Variants in MBD5 observed in about 807,000 individuals in gnomAD.
MBD5 encodes methyl-CpG-binding domain protein 5.
Under a neutral mutation model 117.3 loss-of-function variants are expected in MBD5, and 13 were observed. That is an observed-to-expected ratio of 0.11 (90% CI 0.07 to 0.18). The LOEUF is 0.18. Among genes scored for constraint, MBD5 ranks in the 10% least tolerant of loss-of-function variants. The probability of loss-of-function intolerance (pLI) is 1.00; values close to 1 mark genes in which losing one functional copy is unlikely to be tolerated. For synonymous variants in MBD5, 727 were observed against 766.4 expected, an observed-to-expected ratio of 0.95 and a Z score of 0.85; for missense variants, 1,879 against 2,093.8, an observed-to-expected ratio of 0.90 and a Z score of 2.00.
intron 4 of MBD5, among the ~76,000 whole-genome samples, chr2:148,422,144 C>T (rs1559064317): frequency 6.6e-6 from 1 of 152,182 alleles, no homozygotes. Context: ...CTGGGAGACA[C>T]CTTTCAGTAG....
At chr2:148,121,256 CT>C (rs925554218) in intron 1 of MBD5, among the ~76,000 whole-genome samples, 18 of 152,138 alleles carry the variant, frequency 1.2e-4, no homozygotes, top group Admixed American at 7.9e-4. Flanking sequence ...GCAGTTGACA[CT>C]TGTTAGTGCT....
At chr2:148,378,505 A>C (rs1426735362) in intron 4 of MBD5, among the ~76,000 whole-genome samples, 1 of 152,104 alleles carries the variant, frequency 6.6e-6, no homozygotes, top group Admixed American at 6.5e-5. Flanking sequence ...AAGTAGAATA[A>C]ATAATTCCTT....
rs769245518 is a variant in MBD5, at chr2:148,272,035, C to A, written c.-680+38640C>A. Among the ~76,000 whole-genome samples the A allele has an allele frequency of 8.5e-5, 13 of 152,122 alleles. 1 individual carries two copies. Among genetic ancestry groups the A allele is most frequent in the Admixed American group, 5.2e-4 (8 of 15,258 alleles). ...GATTCCACATGTAAATAAGATCATG[C>A]AGTATTTGTCTTTCTGTGCCTAGCT... On this transcript the variant is annotated intron_variant, in intron 3 of 13. Coordinates refer to ENST00000642680, the MANE Select transcript of MBD5 (RefSeq NM_001378120.1).
intron 4 of MBD5, among the ~76,000 whole-genome samples, chr2:148,375,857 T>A (rs1341529012): frequency 6.6e-6 from 1 of 152,106 alleles, no homozygotes; most frequent in African/African-American, 2.4e-5. Flanking sequence ...TCTCAGTAAA[T>A]CACTCCCACC....
In MBD5 at chr2:148,489,396, A is replaced by C; in HGVS notation, c.3764A>C (p.Gln1255Pro). The C allele has an allele frequency of 6.2e-7, 1 of 1,614,122 alleles. No homozygotes were observed. The highest frequency in any genetic ancestry group is 1.3e-5 in the African/African-American group (1 of 75,024). The change falls in exon 11 of 14, where the codon CAG becomes CCG. Residue 1255 changes from glutamine (Q) to proline (P), a missense_variant. Gln to Pro is a moderately conservative substitution (Grantham distance 76, BLOSUM62 -1). Around this residue, in one of 4 missense-constraint regions of MBD5, gnomAD observed 1,666 missense variants for 1,792.2 expected, o/e 0.93. Transcript: ENST00000642680. ...GTCTATTTCTTCAAGGTGAGAATGC[A>C]GGAAGATGCAGCTCTCCTAAACAAA... ...CLFQNFQVRM[Q>P]EDAALLNKRI...
At chr2:148,146,381 C>G (rs148298556) in intron 1 of MBD5, among the ~76,000 whole-genome samples, 1 of 151,988 alleles carries the variant, frequency 6.6e-6, no homozygotes, top group Non-Finnish European at 1.5e-5. Context: ...TATAGGTGTG[C>G]ACCACACACC....
chr2:148,176,325 GA>G (rs1216553592), intron 1 of MBD5, among the ~76,000 whole-genome samples: 14 of 107,968 alleles, frequency 1.3e-4, no homozygotes, highest in Admixed American at 4.9e-4. Context: ...TTTTTTTTCA[GA>G]AAAAAATCTT....
chr2:148,180,043 T>G (rs969775668), intron 2 of MBD5, among the ~76,000 whole-genome samples: 1 of 151,688 alleles, frequency 6.6e-6, no homozygotes, highest in Non-Finnish European at 1.5e-5. Flanking sequence ...TTTTTTCTAT[T>G]TTTCTTTATT....
chr2:148,312,931 T>C (rs1347641048), intron 3 of MBD5, among the ~76,000 whole-genome samples: 1 of 152,196 alleles, frequency 6.6e-6, no homozygotes, highest in Non-Finnish European at 1.5e-5. Flanking sequence ...CTGCTGGAGT[T>C]TGCTGGAGGT....
In MBD5 at chr2:148,468,760, C is replaced by A; in HGVS notation, c.817C>A (p.Leu273Ile). Residue 273 changes from leucine (L) to isoleucine (I), a missense_variant, in exon 8 of 14, where the codon CTT (leucine) becomes ATT (isoleucine). Around this residue, in one of 4 missense-constraint regions of MBD5, gnomAD observed 1,666 missense variants for 1,792.2 expected, o/e 0.93. Coordinates refer to ENST00000642680, the MANE Select transcript of MBD5 (RefSeq NM_001378120.1). ...SSPIHLNRTP[L>I]SPPSVMLHGS... The stretch of plus-strand genomic sequence containing the variant: ...TCCTATTCACCTGAATAGGACTCCT[C>A]TTTCTCCACCTTCAGTAATGCTACA... The A allele has an allele frequency of 6.2e-7, 1 of 1,613,988 alleles. No individual in the cohort carries two copies. The highest frequency in any genetic ancestry group is 8.5e-7 in the Non-Finnish European group (1 of 1,179,918).
At chr2:148,279,069 C>G in intron 3 of MBD5, among the ~76,000 whole-genome samples, 1 of 152,168 alleles carries the variant, frequency 6.6e-6, no homozygotes, top group Middle Eastern at 3.2e-3. Context: ...ATTCATTCCA[C>G]CAACTCACAT....
intron 3 of MBD5, among the ~76,000 whole-genome samples, chr2:148,332,670 TTC>T (rs1702689630): frequency 6.6e-6 from 1 of 152,136 alleles, no homozygotes; most frequent in Non-Finnish European, 1.5e-5. Flanking sequence ...ATAGTCTGAT[TTC>T]TGTTTTATCT....
intron 4 of MBD5, among the ~76,000 whole-genome samples, chr2:148,428,449 C>T (rs187047455): frequency 7.3e-4 from 111 of 152,136 alleles, no homozygotes; most frequent in African/African-American, 2.6e-3. Flanking sequence ...CAATGTTATC[C>T]CCATCAAGCT....
intron 4 of MBD5, among the ~76,000 whole-genome samples, chr2:148,409,926 T>C (rs964144777): frequency 1.3e-5 from 2 of 152,202 alleles, no homozygotes; most frequent in African/African-American, 4.8e-5. Flanking sequence ...ATGAATGTTT[T>C]ATAGATTATT....
chr2:148,491,925 G>A (rs944740334), intron 11 of MBD5, among the ~76,000 whole-genome samples: 14 of 151,628 alleles, frequency 9.2e-5, no homozygotes, highest in African/African-American at 3.2e-4. Context: ...CTGTGCAAAC[G>A]AACTAAGTCT....
At chr2:148,263,465 C>A (rs1700780984) in intron 3 of MBD5, among the ~76,000 whole-genome samples, 1 of 152,038 alleles carries the variant, frequency 6.6e-6, no homozygotes. Context: ...CTGTTTCCTG[C>A]TGAAATTAAG....
chr2:148,179,075 C>G (rs757631607), intron 2 of MBD5, among the ~76,000 whole-genome samples: 12 of 152,144 alleles, frequency 7.9e-5, no homozygotes, highest in Non-Finnish European at 1.5e-4. Flanking sequence ...TAACTTCTGG[C>G]CGGGCGCGGT....
At chr2:148,280,776 T>C (rs563487801) in intron 3 of MBD5, among the ~76,000 whole-genome samples, 4 of 152,316 alleles carry the variant, frequency 2.6e-5, no homozygotes, top group Non-Finnish European at 4.4e-5. Context: ...AGCAAACACA[T>C]GTAGCAGGTA....
chr2:148,505,434 T>C (rs1459955439), intron 12 of MBD5, among the ~76,000 whole-genome samples: 1 of 151,930 alleles, frequency 6.6e-6, no homozygotes, highest in Non-Finnish European at 1.5e-5. Context: ...ATGGGAAGAA[T>C]GGTCAGTGAG....
Sources: gnomAD v4.1 joint callset for allele counts (sites outside exome capture counted in the v4.1 genomes callset) on GRCh38, gnomAD v4.1.1 for gene constraint, gnomAD v4.1.1 regional missense constraint, MANE v1.5 for transcripts, NCBI Gene and HGNC (gene_info 2026-07-23, HGNC 2026-07-21) for gene names.